The following SPATA13 variants were observed in gnomAD, a reference collection of about 807,000 sequenced individuals.
The protein encoded by SPATA13 is spermatogenesis associated 13.
SPATA13 carries 50 observed loss-of-function variants against 104.0 expected under a neutral mutation model. The ratio of observed to expected loss-of-function variants is 0.48; its 90% CI spans 0.38 to 0.61. The LOEUF (loss-of-function observed/expected upper bound fraction) is 0.61. SPATA13 is among the 20% of genes least tolerant of loss of function. SPATA13 has a pLI of 0.00. For missense variants in SPATA13, 1,524 were observed against 1,690.6 expected (o/e 0.90, Z 1.73); for synonymous variants, 606 against 667.5 (o/e 0.91, Z 1.42).
In SPATA13 at chr13:24,286,301, G is replaced by T. The variant is rs749386397; in HGVS notation, c.2389G>T (p.Asp797Tyr). ...CCAGGAACTGGGCTTCAAAGCCGGG[G>T]ATGTCATCCAGGTTCTGGAAGCCTC... ...DDQELGFKAG[D>Y]VIQVLEASNK... The change falls in exon 6 of 13, where the codon GAT becomes TAT. Residue 797 changes from aspartate to tyrosine, a missense_variant. Physicochemically the swap from Asp to Tyr is radical, Grantham distance 160 (BLOSUM62 -3). This residue lies in a region of SPATA13 where 1,089 missense variants were observed against 1,135.9 expected (regional missense o/e 0.96). Coordinates refer to ENST00000382108, the MANE Select transcript of SPATA13 (RefSeq NM_001166271.3). The surrounding 1 kb of genome is among the most constrained non-coding windows in gnomAD (Gnocchi z 4.9). The T allele has an allele frequency of 3.0e-5, 48 of 1,613,770 alleles. No individual in the cohort carries two copies. Among genetic ancestry groups the T allele is most frequent in the Non-Finnish European group, 3.9e-5 (46 of 1,180,038 alleles).
intron 1 of SPATA13, among the ~76,000 whole-genome samples, chr13:24,213,608 G>T (rs976185022): frequency 6.6e-6 from 1 of 152,126 alleles, no homozygotes; most frequent in South Asian, 2.1e-4. Context: ...CCTTCTCCCT[G>T]TCCTTTTTCT....
At chr13:24,246,884 A>T (rs753136101) in intron 2 of SPATA13, among the ~76,000 whole-genome samples, 41 of 151,702 alleles carry the variant, frequency 2.7e-4, no homozygotes, top group Admixed American at 6.6e-5. Flanking sequence ...TGACTCAAGG[A>T]GGTGGTTAGA....
intron 3 of SPATA13, among the ~76,000 whole-genome samples, chr13:24,022,786 G>A (rs1877043418): frequency 6.6e-6 from 1 of 152,078 alleles, no homozygotes; most frequent in Admixed American, 6.6e-5. Flanking sequence ...ACTTCTGCAG[G>A]AACATAAGTT....
rs187392977 is a variant in SPATA13 at position 24,063,993 on chromosome 13, T to A, written c.-112+46292T>A. Among the ~76,000 whole-genome samples, 577 of 152,236 alleles carry A rather than the reference T, an allele frequency of 3.8e-3. 2 individuals carry two copies. The highest frequency in any genetic ancestry group is 0.013 in the African/African-American group (545 of 41,534). On this transcript the variant is annotated intron_variant, in intron 3 of 14. Coordinates refer to the SPATA13 transcript ENST00000424834. The stretch of plus-strand genomic sequence containing the variant: ...GTGTGGCCTCACCGCCTCCAGTGGG[T>A]GCCTCTGGAGCAAACGTGCCCTGGA...
chr13:24,089,174 C>G (rs938960388), intron 3 of SPATA13, among the ~76,000 whole-genome samples: 1 of 152,142 alleles, frequency 6.6e-6, no homozygotes, highest in African/African-American at 2.4e-5. Context: ...GTTTCTAGTG[C>G]CTTCCTGGTG....
intron 3 of SPATA13, among the ~76,000 whole-genome samples, chr13:24,025,979 AT>A (rs1376563304): frequency 6.6e-6 from 1 of 151,798 alleles, no homozygotes; most frequent in African/African-American, 2.4e-5. Flanking sequence ...TAATTTTTGT[AT>A]TTTTAATAGA....
chr13:24,265,253 G>A (rs370732242), intron 4 of SPATA13, among the ~76,000 whole-genome samples: 1 of 152,198 alleles, frequency 6.6e-6, no homozygotes, highest in Admixed American at 6.5e-5. Flanking sequence ...ACAGGAGTCG[G>A]CCTGCTGAGG....
At chr13:24,284,361 T>C in intron 5 of SPATA13, 90 bp downstream of exon 5, 1 of 1,379,544 alleles carries the variant, frequency 7.2e-7, no homozygotes, top group Non-Finnish European at 9.8e-7. Context: ...TAGTTCTTCT[T>C]TACTAAGCAT....
chr13:24,290,333 T>A (rs916203945), intron 8 of SPATA13, among the ~76,000 whole-genome samples: 6 of 152,082 alleles, frequency 3.9e-5, no homozygotes, highest in Non-Finnish European at 7.4e-5. Flanking sequence ...GAGGGGGACG[T>A]TAGAGGCCCT....
At position 24,224,440 on chromosome 13, in the gene SPATA13, G is replaced by C; in HGVS notation, c.1511G>C (p.Arg504Thr). Residue 504 changes from arginine (R) to threonine (T), a missense_variant, in exon 2 of 13, where the codon AGG becomes ACG. Physicochemically the swap from Arg to Thr is moderately conservative, Grantham distance 71. This residue lies in a region of SPATA13 where 1,089 missense variants were observed against 1,135.9 expected (regional missense o/e 0.96). Transcript: ENST00000382108. Reference protein sequence around the residue: ...LSANSEESEGRAEEPAQREPG... With the variant: ...LSANSEESEGTAEEPAQREPG... ...GCGAATTCAGAGGAAAGTGAAGGAA[G>C]GGCAGAAGAGCCTGCTCAGAGAGAG... 4 of 1,551,738 alleles carry C rather than the reference G, an allele frequency of 2.6e-6. No individual in the cohort carries two copies. Among genetic ancestry groups the C allele is most frequent in the Non-Finnish European group, 3.5e-6 (4 of 1,147,012 alleles).
intron 1 of SPATA13, among the ~76,000 whole-genome samples, chr13:24,194,826 G>T (rs925065761): frequency 5.9e-5 from 9 of 152,190 alleles, no homozygotes; most frequent in Non-Finnish European, 1.3e-4. Context: ...GCTCACAATG[G>T]TTTTCTTATC....
At chr13:24,167,234 G>T (rs2138498202) in intron 1 of SPATA13, among the ~76,000 whole-genome samples, 1 of 152,308 alleles carries the variant, frequency 6.6e-6, no homozygotes. Context: ...TCTGGTGGTG[G>T]AGGCTGTGAT....
chr13:24,122,572 C>T lies in SPATA13; in HGVS notation c.-111-100247C>T, dbSNP rs111258834. ...CCTTTGCACTGCAGAGCGATGACCT[C>T]TAACAATTTTGTTGCATGACACTCT... On this transcript the variant is annotated intron_variant, in intron 3 of 14. Transcript: ENST00000424834. The T allele has an allele frequency of 1.9e-6, 3 of 1,553,896 alleles. No homozygotes were observed. In the East Asian group the frequency reaches 6.8e-5, roughly 35 times the overall value.
At chr13:24,053,890 A>AT (rs1225303017) in intron 3 of SPATA13, among the ~76,000 whole-genome samples, 1 of 152,158 alleles carries the variant, frequency 6.6e-6, no homozygotes, top group Non-Finnish European at 1.5e-5. Flanking sequence ...TTCACAAGGG[A>AT]TTTTCCAAAC....
rs1368392217 is a variant in SPATA13, at chr13:24,286,734, A to C, written c.2482-31A>C. ...GCTCCATGCTGCCCTCCCCTGCCCC[A>C]AGTCACCTGTCCCCTGTATGTGGGT... On this transcript the variant is annotated intron_variant, in intron 6 of 12. Coordinates refer to ENST00000382108, the MANE Select transcript of SPATA13 (RefSeq NM_001166271.3). The surrounding 1 kb of genome is among the most constrained non-coding windows in gnomAD (Gnocchi z 4.9). The C allele has an allele frequency of 1.9e-6, 3 of 1,605,450 alleles. No individual in the cohort carries two copies. The highest frequency in any genetic ancestry group is 2.6e-6 in the Non-Finnish European group (3 of 1,174,750).
chr13:24,026,608 C>G (rs575362491), intron 3 of SPATA13, among the ~76,000 whole-genome samples: 4 of 152,114 alleles, frequency 2.6e-5, no homozygotes, highest in Admixed American at 1.3e-4. Context: ...GACAGAGTCT[C>G]GCTCTGTCAC....
chr13:24,033,150 A>T (rs887804865), intron 3 of SPATA13, among the ~76,000 whole-genome samples: 3 of 152,240 alleles, frequency 2.0e-5, no homozygotes, highest in Non-Finnish European at 4.4e-5. Context: ...GCAAGGTTTG[A>T]GTATCATTTG....
chr13:24,300,311 C>A, intron 11 of SPATA13, 90 bp from the exon 12 acceptor site: 1 of 977,742 alleles, frequency 1.0e-6, no homozygotes, highest in Non-Finnish European at 1.6e-6. Context: ...GTGGTGATAA[C>A]CTCAATGCTG....
Position 24,223,360 on chromosome 13 carries a change from T to G in SPATA13, c.431T>G (p.Leu144Arg). ...CSKGEASEHG[L>R]GKSIPNGAVP... ...AAGGGAGAGGCTTCGGAGCATGGCC[T>G]GGGAAAGTCCATCCCAAATGGCGCT... The change falls in exon 2 of 13, where the codon CTG becomes CGG. Residue 144 changes from leucine (L) to arginine (R), a missense_variant. Leu to Arg is a moderately radical substitution (Grantham distance 102). Around this residue, in one of 2 missense-constraint regions of SPATA13, gnomAD observed 1,089 missense variants for 1,135.9 expected, o/e 0.96. Transcript: ENST00000382108. The G allele has an allele frequency of 1.3e-6, 2 of 1,551,378 alleles. No homozygotes were observed. The highest frequency in any genetic ancestry group is 1.7e-6 in the Non-Finnish European group (2 of 1,146,994).
Sources: allele counts gnomAD v4.1 joint callset (sites outside exome capture counted in the v4.1 genomes callset), GRCh38; gene constraint gnomAD v4.1.1; regional missense constraint gnomAD v4.1.1; non-coding constraint Gnocchi (gnomAD v3.1); transcripts MANE v1.5; gene names NCBI Gene and HGNC (gene_info 2026-07-23, HGNC 2026-07-21).